The following CDH22 variants were observed in gnomAD, a reference collection of about 807,000 sequenced individuals.
The protein encoded by CDH22 is cadherin 22, also known as cadherin-22.
Under a neutral mutation model 58.4 loss-of-function variants are expected in CDH22, and 30 were observed. The ratio of observed to expected loss-of-function variants is 0.51; its 90% CI spans 0.38 to 0.70. The LOEUF is 0.70. CDH22 is among the 30% of genes least tolerant of loss of function. The pLI, the probability that CDH22 is intolerant of heterozygous loss-of-function variation, is 0.00. For synonymous variants in CDH22, 513 were observed against 558.2 expected, an observed-to-expected ratio of 0.92 and a Z score of 1.14; for missense variants, 1,014 against 1,233.9, an observed-to-expected ratio of 0.82 and a Z score of 2.67.
chr20:46,259,947 C>T (rs767208947), intron 1 of CDH22, among the ~76,000 whole-genome samples: 9 of 152,222 alleles, frequency 5.9e-5, no homozygotes, highest in Non-Finnish European at 1.3e-4. Context: ...CATCCCCCAT[C>T]CTTCTTTCTT....
At chr20:46,263,009 C>T (rs1052890083) in intron 1 of CDH22, among the ~76,000 whole-genome samples, 2 of 152,210 alleles carry the variant, frequency 1.3e-5, no homozygotes, top group African/African-American at 4.8e-5. Flanking sequence ...CTCTCAGCCT[C>T]CTCCCCTGAC....
intron 1 of CDH22, among the ~76,000 whole-genome samples, chr20:46,280,377 G>A (rs1028881405): frequency 1.3e-5 from 2 of 152,148 alleles, no homozygotes; most frequent in East Asian, 3.9e-4. Context: ...CTGAGATCGC[G>A]CCACCGCACT....
At chr20:46,260,479 G>A (rs990148114) in intron 1 of CDH22, among the ~76,000 whole-genome samples, 21 of 152,316 alleles carry the variant, frequency 1.4e-4, no homozygotes, top group Middle Eastern at 3.4e-3. Flanking sequence ...ACTTCCGAAG[G>A]ACAAAGACCT....
chr20:46,304,555 T>G (rs1188408210), intron 1 of CDH22, among the ~76,000 whole-genome samples: 1 of 152,180 alleles, frequency 6.6e-6, no homozygotes, highest in Non-Finnish European at 1.5e-5. Context: ...TGGTAACAAG[T>G]GGATGGCTGA....
chr20:46,275,790 G>T, intron 1 of CDH22, among the ~76,000 whole-genome samples: 1 of 131,870 alleles, frequency 7.6e-6, no homozygotes, highest in East Asian at 2.1e-4. Flanking sequence ...GAGACCATAG[G>T]TGAAAAAAAA....
At chr20:46,249,695 T>C (rs939707074) in intron 2 of CDH22, among the ~76,000 whole-genome samples, 1 of 152,140 alleles carries the variant, frequency 6.6e-6, no homozygotes, top group African/African-American at 2.4e-5. Flanking sequence ...CAAGACTTCC[T>C]GGAAAGCTAA....
At chr20:46,277,261 T>C (rs2086523081) in intron 1 of CDH22, among the ~76,000 whole-genome samples, 1 of 152,000 alleles carries the variant, frequency 6.6e-6, no homozygotes, top group Non-Finnish European at 1.5e-5. Context: ...TCAAGACATA[T>C]ATGGTGGTGT....
Position 46,216,794 on chromosome 20 carries a change from G to A in CDH22, c.838+32C>T. The A allele has an allele frequency of 6.3e-7, 1 of 1,578,716 alleles. No individual in the cohort carries two copies. Among genetic ancestry groups the A allele is most frequent in the Non-Finnish European group, 8.7e-7 (1 of 1,151,642 alleles). ...GGATGGGGTAACAGACAGACACACA[G>A]ACGCGCCTTCCTCTGGGAAGGCCTC... On this transcript the variant is annotated intron_variant, in intron 5 of 11. Coordinates refer to ENST00000537909, the MANE Select transcript of CDH22 (RefSeq NM_021248.3). The surrounding 1 kb of genome is among the most constrained non-coding windows in gnomAD (Gnocchi z 5.3).
At chr20:46,232,790 A>G (rs1056272613) in intron 3 of CDH22, among the ~76,000 whole-genome samples, 3 of 152,150 alleles carry the variant, frequency 2.0e-5, no homozygotes, top group East Asian at 3.9e-4. Context: ...CTCTTCGATC[A>G]TCACTTAGAA....
Position 46,180,507 on chromosome 20 carries a change from T to C in CDH22, c.1664-2310A>G, listed in dbSNP as rs530360942. Reference sequence around the variant, plus strand: ...GAAGAAAGGGGGCTGGAGGGCAAGATGGGAGAAAGAGGGAATGGCATGGGA... The same window carrying C: ...GAAGAAAGGGGGCTGGAGGGCAAGACGGGAGAAAGAGGGAATGGCATGGGA... On this transcript the variant is annotated intron_variant, in intron 10 of 11. Coordinates refer to ENST00000537909, the MANE Select transcript of CDH22 (RefSeq NM_021248.3). 5.9e-5 allele frequency among the ~76,000 whole-genome samples: 9 copies of C among 152,276 alleles called. 1 individual carries two copies. The highest frequency in any genetic ancestry group is 2.2e-4 in the African/African-American group (9 of 41,554).
At chr20:46,264,453 A>G (rs148114208) in intron 1 of CDH22, among the ~76,000 whole-genome samples, 1 of 152,344 alleles carries the variant, frequency 6.6e-6, no homozygotes, top group East Asian at 1.9e-4. Flanking sequence ...AGCTAATAAT[A>G]AGAGGTAACA....
chr20:46,190,655 T>C (rs1011949313), intron 8 of CDH22, among the ~76,000 whole-genome samples: 1 of 152,252 alleles, frequency 6.6e-6, no homozygotes, highest in African/African-American at 2.4e-5. Flanking sequence ...CATTCAATAT[T>C]TTTAAACTAA....
intron 5 of CDH22, among the ~76,000 whole-genome samples, chr20:46,215,266 G>A (rs923934621): frequency 6.6e-6 from 1 of 152,124 alleles, no homozygotes; most frequent in Non-Finnish European, 1.5e-5. Context: ...TAATGCCAGT[G>A]TCCACCACCC....
intron 4 of CDH22, among the ~76,000 whole-genome samples, chr20:46,223,637 C>T (rs2086142242): frequency 6.7e-6 from 1 of 149,220 alleles, no homozygotes; most frequent in Non-Finnish European, 1.5e-5. Context: ...TTTTTTCTTT[C>T]TTTCTTTCTT....
At chr20:46,304,751 G>C (rs1450815195) in intron 1 of CDH22, among the ~76,000 whole-genome samples, 2 of 152,246 alleles carry the variant, frequency 1.3e-5, no homozygotes, top group Admixed American at 6.5e-5. Context: ...CATTGTAAGA[G>C]AGCTGAGCTA....
intron 1 of CDH22, among the ~76,000 whole-genome samples, chr20:46,253,958 C>A (rs955681842): frequency 6.6e-6 from 1 of 152,116 alleles, no homozygotes; most frequent in Non-Finnish European, 1.5e-5. Flanking sequence ...TCCTTTATTT[C>A]TTTGTTTCTA....
chr20:46,204,729 C>T (rs1253831752), intron 7 of CDH22, among the ~76,000 whole-genome samples: 7 of 152,052 alleles, frequency 4.6e-5, no homozygotes, highest in African/African-American at 9.7e-5. Context: ...TCTTAAGGAG[C>T]CAGCCAGGTA....
At chr20:46,295,407 C>G (rs1476120326) in intron 1 of CDH22, among the ~76,000 whole-genome samples, 1 of 152,208 alleles carries the variant, frequency 6.6e-6, no homozygotes, top group African/African-American at 2.4e-5. Context: ...TCCCTCATCA[C>G]ATTTACTTTT....
rs2085716692 is a variant in CDH22, at chr20:46,174,188, A to C, written c.*318T>G. 2.6e-6 allele frequency: 1 copy of C among 390,620 alleles called. No individual in the cohort carries two copies. The highest frequency in any genetic ancestry group is 4.5e-6 in the Non-Finnish European group (1 of 219,854). 24.2% of individuals were successfully genotyped at this position (390,620 alleles called of 1,614,324 possible). A position where few individuals can be genotyped will look rare whatever the true frequency, so the allele number is the denominator to read the frequency against. On this transcript the variant is annotated 3_prime_UTR_variant, in exon 12 of 12. Transcript: ENST00000537909. The surrounding 1 kb of genome is among the most constrained non-coding windows in gnomAD (Gnocchi z 4.4). Reference sequence around the variant, plus strand: ...TCCCTCCAGCATTCTCCCCCAGGCCAGGATTGAGTGACCCGCCCCTTCCCG... The same window carrying C: ...TCCCTCCAGCATTCTCCCCCAGGCCCGGATTGAGTGACCCGCCCCTTCCCG...
Sources: gnomAD v4.1 joint callset for allele counts (sites outside exome capture counted in the v4.1 genomes callset) on GRCh38, gnomAD v4.1.1 for gene constraint, Gnocchi (gnomAD v3.1) non-coding constraint, MANE v1.5 for transcripts, NCBI Gene and HGNC (gene_info 2026-07-23, HGNC 2026-07-21) for gene names.